Variants in LRRC37A observed in about 807,000 individuals in gnomAD.
LRRC37A encodes leucine rich repeat containing 37A.
In LRRC37A, 3 loss-of-function variants were observed where a neutral mutation model predicts 35.4. That is an observed-to-expected ratio of 0.08 (90% CI 0.04 to 0.22). The LOEUF (loss-of-function observed/expected upper bound fraction) is 0.22. Ranked by LOEUF, LRRC37A falls within the 10% of genes least tolerant of loss-of-function variation. The probability of loss-of-function intolerance (pLI) is 1.00; values close to 1 mark genes in which losing one functional copy is unlikely to be tolerated. For synonymous variants in LRRC37A, 23 were observed against 215.0 expected (o/e 0.11, Z 7.81); for missense variants, 67 against 565.3 (o/e 0.12, Z 8.94).
the LRRC37A span, among the ~76,000 whole-genome samples, chr17:46,265,280 T>TTCG: frequency 2.0e-5 from 2 of 99,782 alleles, no homozygotes; most frequent in Middle Eastern, 0.014. Flanking sequence ...CTTCTTCTTC[T>TTCG]TCTTCTTCTT....
At chr17:46,262,359 CTCTTCT>C in the LRRC37A span, among the ~76,000 whole-genome samples, 77 of 150,974 alleles carry the variant, frequency 5.1e-4, no homozygotes, top group Non-Finnish European at 9.4e-4. Context: ...CTCCCTTCCC[CTCTTCT>C]TCTTCTTCTT....
At chr17:46,283,629 C>T in the LRRC37A span, among the ~76,000 whole-genome samples, 3 of 152,218 alleles carry the variant, frequency 2.0e-5, no homozygotes, top group Non-Finnish European at 2.9e-5. Flanking sequence ...GGGTGGGTTG[C>T]CCCTCCACAC....
the LRRC37A span, among the ~76,000 whole-genome samples, chr17:46,258,707 C>CTTGTTTTT: frequency 2.5e-5 from 2 of 81,138 alleles, no homozygotes; most frequent in African/African-American, 4.9e-5. Context: ...GACTATTATT[C>CTTGTTTTT]TTTTTTTTTT....
At chr17:46,260,182 G>C in the LRRC37A span, 5 of 1,493,820 alleles carry the variant, frequency 3.3e-6, 1 homozygote, top group Non-Finnish European at 4.5e-6. Context: ...GGTCAGATTC[G>C]GCGGCAGGCA....
the LRRC37A span, among the ~76,000 whole-genome samples, chr17:46,266,022 G>A: frequency 2.6e-5 from 4 of 152,198 alleles, no homozygotes; most frequent in East Asian, 7.7e-4. Context: ...GCTTGAACCC[G>A]GGAGGCAGAG....
At chr17:46,248,409 G>C in the LRRC37A span, among the ~76,000 whole-genome samples, 1 of 145,436 alleles carries the variant, frequency 6.9e-6, no homozygotes, top group Non-Finnish European at 1.5e-5. Flanking sequence ...TCCTCCCACC[G>C]TCAGCCCCTG....
At chr17:46,256,310 A>G in the LRRC37A span, among the ~76,000 whole-genome samples, 14 of 152,190 alleles carry the variant, frequency 9.2e-5, no homozygotes, top group East Asian at 1.9e-4. Flanking sequence ...GCTTGAACCC[A>G]GGAGGTGGAG....
the LRRC37A span, among the ~76,000 whole-genome samples, chr17:46,256,677 T>A: frequency 6.6e-6 from 1 of 152,178 alleles, no homozygotes; most frequent in African/African-American, 2.4e-5. Flanking sequence ...AATGGCTCTG[T>A]TACTTAATGG....
At chr17:46,265,312 C>A in the LRRC37A span, among the ~76,000 whole-genome samples, 6 of 94,842 alleles carry the variant, frequency 6.3e-5, no homozygotes, top group South Asian at 2.6e-3. Flanking sequence ...TCTTCTTCTT[C>A]TTCCTCTTCT....
the LRRC37A span, among the ~76,000 whole-genome samples, chr17:46,253,098 C>T: frequency 2.0e-5 from 3 of 147,828 alleles, no homozygotes; most frequent in East Asian, 3.9e-4. Context: ...GGAGGGTCTC[C>T]TCACTTCTCA....
At chr17:46,270,824 T>C in the LRRC37A span, among the ~76,000 whole-genome samples, 21 of 152,340 alleles carry the variant, frequency 1.4e-4, no homozygotes, top group Admixed American at 1.4e-3. Context: ...CGCTTGAACC[T>C]AGTAGGCAGA....
chr17:46,248,199 C>G, the LRRC37A span, among the ~76,000 whole-genome samples: 1 of 151,890 alleles, frequency 6.6e-6, no homozygotes, highest in South Asian at 2.1e-4. Context: ...CACCCTGTTG[C>G]GTTTTTAGGT....
chr17:46,281,063 G>A, the LRRC37A span, among the ~76,000 whole-genome samples: 1 of 152,152 alleles, frequency 6.6e-6, no homozygotes, highest in Non-Finnish European at 1.5e-5. Context: ...TGTTGTAGCG[G>A]AAAAATCTGA....
the LRRC37A span, among the ~76,000 whole-genome samples, chr17:46,282,076 TG>T: frequency 3.9e-5 from 6 of 152,328 alleles, no homozygotes; most frequent in Middle Eastern, 3.4e-3. Context: ...ATACTTTAGC[TG>T]GGCTTGTCCT....
At chr17:46,327,160 T>C (rs1450435968) in intron 7 of LRRC37A, among the ~76,000 whole-genome samples, 2 of 85,224 alleles carry the variant, frequency 2.3e-5, no homozygotes, top group East Asian at 4.6e-4. Flanking sequence ...ATGATGAAAT[T>C]CAAGTTAAGC....
chr17:46,263,854 CAAAAAAAAAA>C, the LRRC37A span, among the ~76,000 whole-genome samples: 1 of 96,252 alleles, frequency 1.0e-5, no homozygotes, highest in Non-Finnish European at 2.1e-5. Context: ...GACTCTGTCT[CAAAAAAAAAA>C]AAAAAAAAAA....
chr17:46,250,897 TC>T, the LRRC37A span, among the ~76,000 whole-genome samples: 1 of 112,716 alleles, frequency 8.9e-6, no homozygotes, highest in Non-Finnish European at 2.4e-5. Context: ...CTCTTCCTCT[TC>T]CTCTTCCTCT....
chr17:46,286,583 C>T, the LRRC37A span, among the ~76,000 whole-genome samples: 1 of 152,118 alleles, frequency 6.6e-6, no homozygotes, highest in Non-Finnish European at 1.5e-5. Flanking sequence ...ACCACATTTT[C>T]CCCAATGTGT....
At chr17:46,273,817 A>C in the LRRC37A span, among the ~76,000 whole-genome samples, 1 of 152,268 alleles carries the variant, frequency 6.6e-6, no homozygotes, top group South Asian at 2.1e-4. Context: ...ACCAACAAGC[A>C]AAAAACAAAC....
Sources: allele counts gnomAD v4.1 joint callset (sites outside exome capture counted in the v4.1 genomes callset), GRCh38; gene constraint gnomAD v4.1.1; transcripts MANE v1.5; gene names NCBI Gene and HGNC (gene_info 2026-07-23, HGNC 2026-07-21).